The following RCAN1 variants were observed in gnomAD, a reference collection of about 807,000 sequenced individuals.
The protein encoded by RCAN1 is regulator of calcineurin 1, also known as calcipressin-1.
A neutral mutation model predicts 22.9 loss-of-function variants in RCAN1; 11 were observed. The observed-to-expected ratio is 0.48, with a 90% CI of 0.30 to 0.79. The LOEUF is 0.79. Ranked by LOEUF, RCAN1 falls within the 30% of genes least tolerant of loss-of-function variation. RCAN1 has a pLI of 0.06. For missense variants in RCAN1, 291 were observed against 337.8 expected, an observed-to-expected ratio of 0.86 and a Z score of 1.09; for synonymous variants, 136 against 142.3, an observed-to-expected ratio of 0.96 and a Z score of 0.32.
chr21:34,595,205 T>C (rs987033624), intron 1 of RCAN1, among the ~76,000 whole-genome samples: 2 of 152,134 alleles, frequency 1.3e-5, no homozygotes, highest in South Asian at 2.1e-4. Context: ...CACACACACC[T>C]GGAAACCACT....
chr21:34,613,828 C>T (rs1389856761), intron 1 of RCAN1: 4 of 1,483,380 alleles, frequency 2.7e-6, no homozygotes, highest in Non-Finnish European at 3.6e-6. Context: ...TTGGCAGCAG[C>T]CTTCAACTAT....
At chr21:34,525,521 A>C (rs776706048) in intron 1 of RCAN1, 51 of 650,884 alleles carry the variant, frequency 7.8e-5, no homozygotes, top group Non-Finnish European at 1.1e-4. Context: ...ATCAATAGGC[A>C]CTGTGACCCA....
intron 1 of RCAN1, chr21:34,613,668 T>C: frequency 4.8e-6 from 6 of 1,242,670 alleles, no homozygotes; most frequent in Non-Finnish European, 6.4e-6. Flanking sequence ...AGTAAGACCC[T>C]GAGTTCCTGA....
chr21:34,582,835 CA>C (rs1355523145), intron 1 of RCAN1, among the ~76,000 whole-genome samples: 1 of 152,086 alleles, frequency 6.6e-6, no homozygotes, highest in African/African-American at 2.4e-5. Flanking sequence ...CTGGTTTAGA[CA>C]GGGGTGAGAG....
chr21:34,603,172 T>C (rs743302), intron 1 of RCAN1, among the ~76,000 whole-genome samples: 91,633 of 151,994 alleles, frequency 0.6, 28,101 homozygotes, highest in East Asian at 0.67. Context: ...TGAAATAAAG[T>C]GTAAGTCAAC....
chr21:34,593,239 T>C (rs1418736344), intron 1 of RCAN1, among the ~76,000 whole-genome samples: 1 of 152,194 alleles, frequency 6.6e-6, no homozygotes, highest in East Asian at 1.9e-4. Flanking sequence ...GCACCAATAC[T>C]TTTCATCAAA....
At chr21:34,561,103 C>G (rs1986775529) in intron 1 of RCAN1, among the ~76,000 whole-genome samples, 1 of 152,118 alleles carries the variant, frequency 6.6e-6, no homozygotes, top group Non-Finnish European at 1.5e-5. Flanking sequence ...ATCCTGCCGC[C>G]CTGTGAAGAA....
Position 34,614,140 on chromosome 21 carries a change from G to T in RCAN1, c.252+620C>A. On this transcript the variant is annotated intron_variant, in intron 1 of 3. Coordinates refer to ENST00000313806, the MANE Select transcript of RCAN1 (RefSeq NM_004414.7). This position sits in a 1 kb window ranked among gnomAD's most constrained non-coding sequence, Gnocchi z 6.0. ...CCATGTACTGGGTGTCCCCGATGGC[G>T]GCAAGCCACACCTTCACACAAGGGG... 5 of 759,896 alleles carry T rather than the reference G, an allele frequency of 6.6e-6. No individual in the cohort carries two copies. The highest frequency in any genetic ancestry group is 8.4e-6 in the Non-Finnish European group (5 of 596,060). 47.1% of individuals were successfully genotyped at this position (759,896 alleles called of 1,614,324 possible).
Position 34,614,836 on chromosome 21 carries a change from A to G in RCAN1, c.176T>C (p.Val59Ala), listed in dbSNP as rs371918139. The G allele has an allele frequency of 6.7e-7, 1 of 1,486,972 alleles. No homozygotes were observed. Among genetic ancestry groups the G allele is most frequent in the Non-Finnish European group, 9.0e-7 (1 of 1,116,904 alleles). 92.1% of individuals were successfully genotyped at this position (1,486,972 alleles called of 1,614,324 possible). ...WSFIDCEMEE[V>A]DLQDLPSATI... The stretch of plus-strand genomic sequence containing the variant: ...GGCGCTGGGCAGGTCCTGCAGGTCC[A>G]CCTCCTCCATCTCGCAGTCAATGAA... The change falls in exon 1 of 4, where the codon GTG becomes GCG. Residue 59 changes from valine (V) to alanine (A), a missense_variant. Coordinates refer to ENST00000313806, the MANE Select transcript of RCAN1 (RefSeq NM_004414.7). The surrounding 1 kb of genome is among the most constrained non-coding windows in gnomAD (Gnocchi z 6.0).
At position 34,595,939 on chromosome 21, in the gene RCAN1, C is replaced by T. The variant is rs146030695; in HGVS notation, c.252+18821G>A. ...ATCTACGCAGATGCAGGCCAAGCTCCCCAGATAAGCCTGCCTCAAGGATTC... is the reference window on the plus strand; with the variant it reads ...ATCTACGCAGATGCAGGCCAAGCTCTCCAGATAAGCCTGCCTCAAGGATTC... On this transcript the variant is annotated intron_variant, in intron 1 of 3. Coordinates refer to ENST00000313806, the MANE Select transcript of RCAN1 (RefSeq NM_004414.7). 3.9e-3 allele frequency among the ~76,000 whole-genome samples: 588 copies of T among 152,346 alleles called. 8 individuals are homozygous for T. Among genetic ancestry groups the T allele is most frequent in the Middle Eastern group, 6.8e-3 (2 of 294 alleles).
chr21:34,519,264 G>A (rs79698117), intron 3 of RCAN1, among the ~76,000 whole-genome samples: 13,052 of 152,270 alleles, frequency 0.086, 634 homozygotes, highest in African/African-American at 0.13. Context: ...TGCTGGGCAG[G>A]GATCTGAAAT....
At position 34,614,479 on chromosome 21, in the gene RCAN1, C is replaced by T; in HGVS notation, c.252+281G>A. 1 of 1,029,418 alleles carries T rather than the reference C, an allele frequency of 9.7e-7. No individual in the cohort carries two copies. Among genetic ancestry groups the T allele is most frequent in the Non-Finnish European group, 1.2e-6 (1 of 859,600 alleles). The allele number at this position is 1,029,418 out of a possible 1,614,324, so 63.8% of individuals were successfully genotyped here. On this transcript the variant is annotated intron_variant, in intron 1 of 3. Coordinates refer to ENST00000313806, the MANE Select transcript of RCAN1 (RefSeq NM_004414.7). The surrounding 1 kb of genome is among the most constrained non-coding windows in gnomAD (Gnocchi z 6.0). Reference sequence around the variant, plus strand: ...GCTGCCCCACCTTGGGGAGCGAATTCACCCCCCTAGTCGCACCAGCCTGGG... The same window carrying T: ...GCTGCCCCACCTTGGGGAGCGAATTTACCCCCCTAGTCGCACCAGCCTGGG...
chr21:34,561,366 G>A (rs545389558), intron 1 of RCAN1, among the ~76,000 whole-genome samples: 1 of 152,114 alleles, frequency 6.6e-6, no homozygotes, highest in African/African-American at 2.4e-5. Flanking sequence ...TTTTGGGCAA[G>A]TGGTTACTTT....
At chr21:34,597,998 T>C (rs998711357) in intron 1 of RCAN1, among the ~76,000 whole-genome samples, 4 of 152,328 alleles carry the variant, frequency 2.6e-5, no homozygotes, top group South Asian at 2.1e-4. Flanking sequence ...AGATAGGGTC[T>C]ATATAAAGAA....
In RCAN1 at chr21:34,600,063, C is replaced by T. The variant is rs1004794145; in HGVS notation, c.252+14697G>A. On this transcript the variant is annotated intron_variant, in intron 1 of 3. Coordinates refer to ENST00000313806, the MANE Select transcript of RCAN1 (RefSeq NM_004414.7). The stretch of plus-strand genomic sequence containing the variant: ...CCCCAACAACCAAGAGTCCAGATCA[C>T]GCTATGCTAAAGCCCCTCACTCCAA... Among the ~76,000 whole-genome samples the T allele has an allele frequency of 3.3e-5, 5 of 152,300 alleles. No homozygotes were observed. In the East Asian group the frequency reaches 7.7e-4, roughly 24 times the overall value.
At chr21:34,533,554 T>A (rs1356515065) in intron 1 of RCAN1, among the ~76,000 whole-genome samples, 1 of 152,218 alleles carries the variant, frequency 6.6e-6, no homozygotes. Flanking sequence ...ATTTATTCAT[T>A]CATTTGTCTA....
intron 1 of RCAN1, among the ~76,000 whole-genome samples, chr21:34,534,591 C>G (rs1382023196): frequency 6.6e-6 from 1 of 152,208 alleles, no homozygotes; most frequent in African/African-American, 2.4e-5. Context: ...CCAGTGGGGG[C>G]TCATCTGATG....
At chr21:34,526,079 T>C (rs1444263297) in intron 1 of RCAN1, among the ~76,000 whole-genome samples, 6 of 152,258 alleles carry the variant, frequency 3.9e-5, no homozygotes, top group Admixed American at 2.6e-4. Flanking sequence ...TTTAATCAAA[T>C]GAAGAAGAAA....
intron 1 of RCAN1, among the ~76,000 whole-genome samples, chr21:34,590,930 T>A (rs1302784380): frequency 6.6e-6 from 1 of 152,182 alleles, no homozygotes; most frequent in African/African-American, 2.4e-5. Context: ...GGCACAGCAA[T>A]ATTTTATGTC....
Sources: allele counts gnomAD v4.1 joint callset (sites outside exome capture counted in the v4.1 genomes callset), GRCh38; gene constraint gnomAD v4.1.1; non-coding constraint Gnocchi (gnomAD v3.1); transcripts MANE v1.5; gene names NCBI Gene and HGNC (gene_info 2026-07-23, HGNC 2026-07-21).